Variants in APBA2 observed in about 807,000 individuals in gnomAD.
APBA2 encodes the protein amyloid-beta A4 precursor protein-binding family A member 2.
A neutral mutation model predicts 75.0 loss-of-function variants in APBA2; 30 were observed. The observed-to-expected ratio is 0.40, with a 90% CI of 0.30 to 0.54. APBA2 has a LOEUF of 0.54. Ranked by LOEUF, APBA2 falls within the 20% of genes least tolerant of loss-of-function variation. The probability of loss-of-function intolerance (pLI) is 0.49; values close to 1 mark genes in which losing one functional copy is unlikely to be tolerated. For missense variants in APBA2, 801 were observed against 1,016.1 expected (o/e 0.79, Z 2.88); for synonymous variants, 444 against 409.6 (o/e 1.08, Z -1.01).
chr15:28,980,915 C>A (rs1163258239), intron 2 of APBA2, among the ~76,000 whole-genome samples: 8 of 152,154 alleles, frequency 5.3e-5, no homozygotes, highest in Non-Finnish European at 1.2e-4. Flanking sequence ...TTTGACAAAG[C>A]TGCCAAAAAT....
chr15:28,942,787 A>G (rs1446357923), intron 2 of APBA2, among the ~76,000 whole-genome samples: 3 of 152,198 alleles, frequency 2.0e-5, no homozygotes, highest in Admixed American at 1.3e-4. Context: ...CCAGAAGGAC[A>G]TGCCCAGTTG....
chr15:29,108,611 C>T (rs965622708), intron 13 of APBA2: 3 of 671,664 alleles, frequency 4.5e-6, no homozygotes, highest in Non-Finnish European at 7.5e-6. Context: ...GGATTGGGCC[C>T]CTCCAGCCTT....
At chr15:29,114,728 G>A (rs2044966439) in intron 14 of APBA2, among the ~76,000 whole-genome samples, 1 of 151,662 alleles carries the variant, frequency 6.6e-6, no homozygotes, top group African/African-American at 2.4e-5. Flanking sequence ...GTATAGGGGT[G>A]CATGAGTGGA....
chr15:29,038,901 T>G (rs952086736), intron 3 of APBA2, among the ~76,000 whole-genome samples: 1 of 151,926 alleles, frequency 6.6e-6, no homozygotes, highest in African/African-American at 2.4e-5. Flanking sequence ...CTCAAACTCC[T>G]GACCTCATGA....
chr15:29,077,846 C>G (rs1209554012), intron 6 of APBA2, among the ~76,000 whole-genome samples: 1 of 152,214 alleles, frequency 6.6e-6, no homozygotes, highest in Admixed American at 6.5e-5. Flanking sequence ...TACTCAGCAA[C>G]AGGAAGAGAT....
intron 2 of APBA2, among the ~76,000 whole-genome samples, chr15:28,960,760 C>CTTTTT (rs760299039): frequency 7.3e-6 from 1 of 137,126 alleles, no homozygotes; most frequent in African/African-American, 2.7e-5. Flanking sequence ...ACCCATCATT[C>CTTTTT]TTTTTTTTTT....
intron 3 of APBA2, among the ~76,000 whole-genome samples, chr15:29,013,967 G>C (rs971474612): frequency 1.3e-5 from 2 of 152,174 alleles, no homozygotes; most frequent in African/African-American, 4.8e-5. Context: ...GTATGCTTTT[G>C]CTAAACTTTA....
rs1442509438 is a variant in APBA2, at chr15:29,014,405, C to A, written c.-41+18599C>A. Among the ~76,000 whole-genome samples the A allele has an allele frequency of 3.3e-5, 5 of 152,214 alleles. 1 individual carries two copies. The South Asian group carries it at 1.0e-3, about 31-fold the overall frequency. On this transcript the variant is annotated intron_variant, in intron 3 of 14. Coordinates refer to ENST00000683413, the MANE Select transcript of APBA2 (RefSeq NM_001353788.2). ...TATAGCTCTAATAATTACCACTTTT[C>A]TTAGATGTGATCCCAAAACAATCCT...
intron 6 of APBA2, among the ~76,000 whole-genome samples, chr15:29,090,139 C>T (rs988233774): frequency 4.6e-5 from 7 of 152,142 alleles, no homozygotes; most frequent in African/African-American, 1.4e-4. Context: ...ACCTTGGACT[C>T]GATTGTTTCT....
At chr15:29,063,710 AGATGAT>A (rs965414890) in intron 4 of APBA2, among the ~76,000 whole-genome samples, 1 of 146,926 alleles carries the variant, frequency 6.8e-6, no homozygotes, top group African/African-American at 2.5e-5. Flanking sequence ...GTGCTTGTGC[AGATGAT>A]GATGATGATG....
chr15:28,963,164 T>C (rs10162735), intron 2 of APBA2, among the ~76,000 whole-genome samples: 43,481 of 152,136 alleles, frequency 0.29, 10,939 homozygotes, highest in African/African-American at 0.66. Flanking sequence ...TTTTAAAGAA[T>C]ATTTTTCTAA....
intron 4 of APBA2, among the ~76,000 whole-genome samples, chr15:29,072,113 C>T (rs2042648456): frequency 6.6e-6 from 1 of 152,176 alleles, no homozygotes. Context: ...ACATCTGTGG[C>T]GCTCCCTCTG....
At chr15:29,043,793 A>AATCT in intron 3 of APBA2, among the ~76,000 whole-genome samples, 1 of 152,206 alleles carries the variant, frequency 6.6e-6, no homozygotes, top group East Asian at 1.9e-4. Flanking sequence ...TTGTGACCCT[A>AATCT]AGCTAGGTTA....
At position 29,090,932 on chromosome 15, in the gene APBA2, C is replaced by T. The variant is rs115341425; in HGVS notation, c.1070-2143C>T. ...GTGGCAGCCAGGGCTGTCATACACG[C>T]TCTCCAAGCCCCCCAGCTAGGCAGA... On this transcript the variant is annotated intron_variant, in intron 6 of 14. Coordinates refer to ENST00000683413, the MANE Select transcript of APBA2 (RefSeq NM_001353788.2). Among the ~76,000 whole-genome samples, 997 of 152,116 alleles carry T rather than the reference C, an allele frequency of 6.6e-3. 7 individuals are homozygous for T. Among genetic ancestry groups the T allele is most frequent in the African/African-American group, 0.023 (963 of 41,476 alleles).
At chr15:28,981,033 A>G (rs1343003163) in intron 2 of APBA2, among the ~76,000 whole-genome samples, 1 of 152,224 alleles carries the variant, frequency 6.6e-6, no homozygotes, top group Non-Finnish European at 1.5e-5. Context: ...GTAAAAAATC[A>G]ACTCAGTTGG....
intron 1 of APBA2, among the ~76,000 whole-genome samples, chr15:28,900,983 G>A (rs1185827859): frequency 1.3e-5 from 2 of 152,174 alleles, no homozygotes; most frequent in Admixed American, 6.5e-5. Flanking sequence ...CCTGGAACTC[G>A]GTAGCTGCTC....
intron 10 of APBA2, among the ~76,000 whole-genome samples, chr15:29,104,535 C>T (rs2044301324): frequency 6.6e-6 from 1 of 152,246 alleles, no homozygotes; most frequent in South Asian, 2.1e-4. Context: ...GTGATGTCCA[C>T]TGAAGCAGCT....
At chr15:29,003,271 A>G (rs1410669739) in intron 3 of APBA2, among the ~76,000 whole-genome samples, 1 of 152,138 alleles carries the variant, frequency 6.6e-6, no homozygotes, top group East Asian at 1.9e-4. Flanking sequence ...TTTTCATGGC[A>G]TGAAGGTTGT....
intron 3 of APBA2, among the ~76,000 whole-genome samples, chr15:29,019,386 A>G (rs990432445): frequency 6.6e-6 from 1 of 152,222 alleles, no homozygotes; most frequent in African/African-American, 2.4e-5. Context: ...CATCTGAAGA[A>G]TTGTGCAACA....
Sources: allele counts gnomAD v4.1 joint callset (sites outside exome capture counted in the v4.1 genomes callset), GRCh38; gene constraint gnomAD v4.1.1; transcripts MANE v1.5; gene names NCBI Gene and HGNC (gene_info 2026-07-23, HGNC 2026-07-21).